MCC: variants seen among roughly 807,000 people sequenced by gnomAD.
The protein encoded by MCC is colorectal mutant cancer protein.
A neutral mutation model predicts 116.2 loss-of-function variants in MCC; 90 were observed. The ratio of observed to expected loss-of-function variants is 0.77; its 90% CI spans 0.65 to 0.92. The LOEUF is 0.92. Ranked by LOEUF, MCC falls within the 40% of genes least tolerant of loss-of-function variation. The probability of loss-of-function intolerance (pLI) is 0.00; values close to 1 mark genes in which losing one functional copy is unlikely to be tolerated. For synonymous variants in MCC, 578 were observed against 510.5 expected (o/e 1.13, Z -1.78); for missense variants, 1,516 against 1,312.2 (o/e 1.16, Z -2.40).
At chr5:113,315,516 A>G (rs1225650947) in intron 3 of MCC, among the ~76,000 whole-genome samples, 1 of 152,082 alleles carries the variant, frequency 6.6e-6, no homozygotes, top group Non-Finnish European at 1.5e-5. Flanking sequence ...GAATTATGTT[A>G]AGTAATTTCA....
At chr5:113,412,987 T>C (rs1433801384) in intron 1 of MCC, among the ~76,000 whole-genome samples, 1 of 152,220 alleles carries the variant, frequency 6.6e-6, no homozygotes, top group Non-Finnish European at 1.5e-5. Context: ...TGAAGAGTTG[T>C]TGAATTTTGT....
intron 8 of MCC, among the ~76,000 whole-genome samples, chr5:113,096,956 G>A (rs898266807): frequency 1.8e-4 from 27 of 152,172 alleles, no homozygotes; most frequent in African/African-American, 6.5e-4. Flanking sequence ...GCAGCTAGAT[G>A]ACAGCTGGGG....
At chr5:113,358,901 T>G (rs865877746) in intron 2 of MCC, among the ~76,000 whole-genome samples, 11 of 152,196 alleles carry the variant, frequency 7.2e-5, no homozygotes, top group South Asian at 6.2e-4. Context: ...TGAGGGCCCC[T>G]AGCATCGTCC....
chr5:113,263,121 C>T (rs551052495), intron 3 of MCC, among the ~76,000 whole-genome samples: 247 of 152,248 alleles, frequency 1.6e-3, no homozygotes, highest in African/African-American at 5.7e-3. Flanking sequence ...AGAGAGGGAA[C>T]GTTCAAGACT....
chr5:113,474,347 A>G (rs959218031), intron 1 of MCC, among the ~76,000 whole-genome samples: 7 of 152,190 alleles, frequency 4.6e-5, no homozygotes, highest in Non-Finnish European at 1.0e-4. Flanking sequence ...ACAGCCTAGA[A>G]AAAAATGAGA....
At chr5:113,053,035 T>C (rs925438285) in intron 15 of MCC, among the ~76,000 whole-genome samples, 1 of 152,222 alleles carries the variant, frequency 6.6e-6, no homozygotes, top group Non-Finnish European at 1.5e-5. Context: ...GGTGAAGGGC[T>C]GGTGCCTGGC....
At chr5:113,475,065 A>G (rs1467663554) in intron 1 of MCC, among the ~76,000 whole-genome samples, 3 of 152,188 alleles carry the variant, frequency 2.0e-5, no homozygotes, top group Non-Finnish European at 4.4e-5. Flanking sequence ...CCTTCACCCC[A>G]TCTACTTTCT....
intron 1 of MCC, among the ~76,000 whole-genome samples, chr5:113,456,092 A>T (rs565251437): frequency 6.8e-4 from 103 of 152,376 alleles, no homozygotes; most frequent in African/African-American, 2.3e-3. Flanking sequence ...TTAAAATAAT[A>T]AAATAAAACC....
Position 113,112,522 on chromosome 5 carries a change from G to A in MCC, c.1028-8167C>T, listed in dbSNP as rs528044247. ...CTGAGGCCTCCCCAGTCATGCTTCC[G>A]GTACAGCCTGTGGAACTGTGAATCA... On this transcript the variant is annotated intron_variant, in intron 6 of 18. Coordinates refer to ENST00000408903, the MANE Select transcript of MCC (RefSeq NM_001085377.2). Among the ~76,000 whole-genome samples the A allele has an allele frequency of 8.5e-5, 13 of 152,204 alleles. No individual in the cohort carries two copies. The East Asian group carries it at 2.1e-3, about 25-fold the overall frequency.
chr5:113,108,989 T>G (rs1430357733), intron 6 of MCC, among the ~76,000 whole-genome samples: 1 of 152,320 alleles, frequency 6.6e-6, no homozygotes, highest in East Asian at 1.9e-4. Context: ...CTGGGCCGCC[T>G]GGAGCAGGTA....
At chr5:113,396,686 T>C (rs972434440) in intron 1 of MCC, among the ~76,000 whole-genome samples, 2 of 152,270 alleles carry the variant, frequency 1.3e-5, no homozygotes, top group African/African-American at 4.8e-5. Context: ...AAAAATCCTC[T>C]ATAGAAGTAG....
intron 3 of MCC, among the ~76,000 whole-genome samples, chr5:113,263,336 G>A (rs77317662): frequency 0.021 from 3,122 of 152,284 alleles, 36 homozygotes; most frequent in Middle Eastern, 0.027. Context: ...GAATCTACAA[G>A]AGGAGACATC....
rs1750211755 is a variant in MCC at position 113,022,495 on chromosome 5, T to G, written c.*4807A>C. 2.0e-5 allele frequency: 3 copies of G among 152,630 alleles called. No homozygotes were observed. The highest frequency in any genetic ancestry group is 4.4e-5 in the Non-Finnish European group (3 of 68,046). The allele number at this position is 152,630 out of a possible 1,614,324, so 9.5% of individuals were successfully genotyped here. A position where few individuals can be genotyped will look rare whatever the true frequency, so the allele number is the denominator to read the frequency against. On this transcript the variant is annotated 3_prime_UTR_variant, in exon 19 of 19. Coordinates refer to ENST00000408903, the MANE Select transcript of MCC (RefSeq NM_001085377.2). ...CATGCAAAGTAAATAAATCTTGATG[T>G]CTAAAAACTGATTAGAACTAGAAAA...
At chr5:113,070,673 T>C (rs1253130480) in intron 12 of MCC, among the ~76,000 whole-genome samples, 5 of 152,178 alleles carry the variant, frequency 3.3e-5, no homozygotes, top group Admixed American at 2.0e-4. Flanking sequence ...AAATTAACAA[T>C]ATAAAAACTT....
intron 13 of MCC, among the ~76,000 whole-genome samples, chr5:113,066,557 T>C (rs4374752): frequency 0.99 from 151,125 of 152,322 alleles, 74,986 homozygotes; most frequent in Non-Finnish European, 1. Flanking sequence ...TTTGTTGGAT[T>C]ACTTGGATAT....
chr5:113,203,562 T>C (rs1040537237), intron 3 of MCC, among the ~76,000 whole-genome samples: 1 of 152,054 alleles, frequency 6.6e-6, no homozygotes, highest in African/African-American at 2.4e-5. Flanking sequence ...CGCATACTAT[T>C]TACAGAAGAG....
chr5:113,434,207 G>T lies in MCC; in HGVS notation c.171-48995C>A. The T allele has an allele frequency of 6.2e-7, 1 of 1,614,084 alleles. No individual in the cohort carries two copies. The highest frequency in any genetic ancestry group is 8.5e-7 in the Non-Finnish European group (1 of 1,179,974). On this transcript the variant is annotated intron_variant, in intron 1 of 18. Transcript: ENST00000408903. This position sits in a 1 kb window ranked among gnomAD's most constrained non-coding sequence, Gnocchi z 4.2. ...TGGAGTCGTCGTAGGGCATGGAGCC[G>T]CAGACCATGATGTAGAGGATCACGC...
intron 3 of MCC, among the ~76,000 whole-genome samples, chr5:113,212,697 G>A (rs1245108497): frequency 6.6e-6 from 1 of 152,170 alleles, no homozygotes; most frequent in African/African-American, 2.4e-5. Context: ...ATGAGAAGGT[G>A]CTCTTCCTTC....
intron 7 of MCC, 65 bp from the exon 8 acceptor site, chr5:113,102,010 A>C: frequency 6.6e-7 from 1 of 1,505,074 alleles, no homozygotes; most frequent in South Asian, 1.1e-5. Context: ...TAGGAAGAAA[A>C]TAGGCTGAAC....
Sources: gnomAD v4.1 joint callset for allele counts (sites outside exome capture counted in the v4.1 genomes callset) on GRCh38, gnomAD v4.1.1 for gene constraint, Gnocchi (gnomAD v3.1) non-coding constraint, MANE v1.5 for transcripts, NCBI Gene and HGNC (gene_info 2026-07-23, HGNC 2026-07-21) for gene names.